The following CRIM1 variants were observed in gnomAD, a reference collection of about 807,000 sequenced individuals.
CRIM1 encodes cysteine rich transmembrane BMP regulator 1.
A neutral mutation model predicts 116.4 loss-of-function variants in CRIM1; 32 were observed. The observed-to-expected ratio is 0.27, with a 90% confidence interval of 0.21 to 0.37. CRIM1 has a LOEUF of 0.37. Among genes scored for constraint, CRIM1 ranks in the 10% least tolerant of loss-of-function variants. The pLI, the probability that CRIM1 is intolerant of heterozygous loss-of-function variation, is 1.00. For synonymous variants in CRIM1, 590 were observed against 509.2 expected, an observed-to-expected ratio of 1.16 and a Z score of -2.13; for missense variants, 1,331 against 1,354.8, an observed-to-expected ratio of 0.98 and a Z score of 0.28.
At chr2:36,531,816 T>A in intron 13 of CRIM1, 1 of 451,102 alleles carries the variant, frequency 2.2e-6, no homozygotes, top group Non-Finnish European at 4.6e-6. Flanking sequence ...AAAGACATTG[T>A]ATATTTTTAT....
rs1419657184 is a variant in CRIM1 at position 36,403,599 on chromosome 2, A to AT, written c.505+6812_505+6813insT. Among the ~76,000 whole-genome samples, 10 of 152,244 alleles carry AT rather than the reference A, an allele frequency of 6.6e-5. No individual in the cohort carries two copies. In the South Asian group the frequency reaches 1.0e-3, roughly 16 times the overall value. ...GACAGAGAGGTACAGATAGGAAGAT[A>AT]CTAAGGAGGCCAAATCAGTGGGCTT... On this transcript the variant is annotated intron_variant, in intron 2 of 16. Coordinates refer to ENST00000280527, the MANE Select transcript of CRIM1 (RefSeq NM_016441.3).
At position 36,356,728 on chromosome 2, in the gene CRIM1, C is replaced by T. The variant is rs777877565; in HGVS notation, c.331+105C>T. ...GCGAGACTTTCTGGAGGAAAGAGGG[C>T]TCTGCGGGAAGAGGGGCGGCCGCCG... On this transcript the variant is annotated intron_variant, in intron 1 of 16. Transcript: ENST00000280527. This position sits in a 1 kb window ranked among gnomAD's most constrained non-coding sequence, Gnocchi z 4.3. 11 of 1,179,060 alleles carry T rather than the reference C, an allele frequency of 9.3e-6. No homozygotes were observed. The highest frequency in any genetic ancestry group is 1.3e-5 in the Non-Finnish European group (11 of 856,960). 73.0% of individuals were successfully genotyped at this position (1,179,060 alleles called of 1,614,324 possible).
chr2:36,452,696 C>G (rs1393399935), intron 4 of CRIM1, among the ~76,000 whole-genome samples: 1 of 150,902 alleles, frequency 6.6e-6, no homozygotes, highest in African/African-American at 2.4e-5. Flanking sequence ...CTTTTTTTAT[C>G]TCACCTTAAA....
chr2:36,492,849 CA>C (rs1188721115), intron 7 of CRIM1, among the ~76,000 whole-genome samples: 1 of 152,136 alleles, frequency 6.6e-6, no homozygotes, highest in East Asian at 1.9e-4. Flanking sequence ...TCCAACCCCC[CA>C]ATCCCTGCCC....
chr2:36,451,168 G>A (rs1224406806), intron 4 of CRIM1, among the ~76,000 whole-genome samples: 2 of 152,186 alleles, frequency 1.3e-5, no homozygotes, highest in African/African-American at 2.4e-5. Context: ...ACTGGGCTTG[G>A]TGTGGGGTAT....
intron 5 of CRIM1, among the ~76,000 whole-genome samples, chr2:36,466,829 C>T (rs1193795319): frequency 6.6e-6 from 1 of 152,242 alleles, no homozygotes; most frequent in South Asian, 2.1e-4. Flanking sequence ...ACACTTTAAT[C>T]TTAAGTCATT....
chr2:36,501,380 C>G (rs1195092612), intron 8 of CRIM1, among the ~76,000 whole-genome samples: 1 of 152,308 alleles, frequency 6.6e-6, no homozygotes, highest in South Asian at 2.1e-4. Flanking sequence ...TTACATGTGA[C>G]CATCACACTA....
intron 5 of CRIM1, among the ~76,000 whole-genome samples, chr2:36,465,323 T>C (rs1357756126): frequency 5.9e-5 from 9 of 152,180 alleles, no homozygotes; most frequent in African/African-American, 2.2e-4. Flanking sequence ...GTTTAGGTGC[T>C]AGAAGGAAGG....
At chr2:36,522,885 A>G (rs1049075067) in intron 13 of CRIM1, among the ~76,000 whole-genome samples, 3 of 151,698 alleles carry the variant, frequency 2.0e-5, no homozygotes, top group Admixed American at 6.6e-5. Context: ...GTCGTGTTCT[A>G]TCGGGGTCCT....
chr2:36,543,741 TTTGTTTTATG>T (rs1667122066), intron 14 of CRIM1, among the ~76,000 whole-genome samples: 1 of 148,496 alleles, frequency 6.7e-6, no homozygotes, highest in Non-Finnish European at 1.5e-5. Context: ...TATTCTTCTG[TTTGTTTTATG>T]TTGTAGTATA....
chr2:36,514,964 G>C (rs1418927612), intron 11 of CRIM1, among the ~76,000 whole-genome samples: 1 of 152,184 alleles, frequency 6.6e-6, no homozygotes, highest in Non-Finnish European at 1.5e-5. Context: ...CTGTAGTTCA[G>C]TTAGAGGTGC....
intron 13 of CRIM1, among the ~76,000 whole-genome samples, chr2:36,536,729 A>G (rs1431261765): frequency 1.3e-5 from 2 of 152,198 alleles, no homozygotes; most frequent in South Asian, 4.1e-4. Flanking sequence ...AAGGAGCAGA[A>G]TGTTTAAACT....
chr2:36,514,075 T>A (rs1664876863), intron 11 of CRIM1, among the ~76,000 whole-genome samples: 1 of 152,258 alleles, frequency 6.6e-6, no homozygotes, highest in African/African-American at 2.4e-5. Context: ...ATTCCAGCTC[T>A]CCATTTTATT....
At chr2:36,533,425 CA>C (rs35978594) in intron 13 of CRIM1, among the ~76,000 whole-genome samples, 43,708 of 99,508 alleles carry the variant, frequency 0.44, 6,569 homozygotes, top group East Asian at 0.58. Flanking sequence ...CCCATCTCCA[CA>C]AAAAAAAAAA....
At chr2:36,357,577 T>G (rs1668938214) in intron 1 of CRIM1, among the ~76,000 whole-genome samples, 1 of 152,182 alleles carries the variant, frequency 6.6e-6, no homozygotes, top group African/African-American at 2.4e-5. Flanking sequence ...GTGCCTGGTC[T>G]GGTTTGGGGT....
chr2:36,497,578 T>C (rs1438365827), intron 7 of CRIM1, among the ~76,000 whole-genome samples: 1 of 152,246 alleles, frequency 6.6e-6, no homozygotes, highest in Non-Finnish European at 1.5e-5. Context: ...TTTTGATGTT[T>C]ACAGTTATCT....
At chr2:36,539,327 T>TAG (rs1192113177) in intron 14 of CRIM1, among the ~76,000 whole-genome samples, 1 of 152,104 alleles carries the variant, frequency 6.6e-6, no homozygotes, top group African/African-American at 2.4e-5. Context: ...GTGTTCAAGG[T>TAG]AGAGCAGTGT....
intron 2 of CRIM1, among the ~76,000 whole-genome samples, chr2:36,430,031 T>A (rs1674762002): frequency 6.6e-6 from 1 of 152,206 alleles, no homozygotes; most frequent in African/African-American, 2.4e-5. Flanking sequence ...CCTCCTGTGT[T>A]TGGGACCAAG....
intron 1 of CRIM1, among the ~76,000 whole-genome samples, chr2:36,368,384 A>G (rs2148296733): frequency 6.6e-6 from 1 of 152,338 alleles, no homozygotes; most frequent in Middle Eastern, 3.4e-3. Flanking sequence ...GTACAAGCCA[A>G]CTGCGAAGCT....
Sources: allele counts gnomAD v4.1 joint callset (sites outside exome capture counted in the v4.1 genomes callset), GRCh38; gene constraint gnomAD v4.1.1; non-coding constraint Gnocchi (gnomAD v3.1); transcripts MANE v1.5; gene names NCBI Gene and HGNC (gene_info 2026-07-23, HGNC 2026-07-21).